SAMD12: variants seen among roughly 807,000 people sequenced by gnomAD.
SAMD12 encodes sterile alpha motif domain containing 12, also known as sterile alpha motif domain-containing protein 12.
Under a neutral mutation model 15.0 loss-of-function variants are expected in SAMD12, and 9 were observed. The ratio of observed to expected loss-of-function variants is 0.60; its 90% CI spans 0.36 to 1.05. SAMD12 has a LOEUF of 1.05. Among genes scored for constraint, SAMD12 ranks in the 50% least tolerant of loss-of-function variants. SAMD12 has a pLI of 0.01. For synonymous variants in SAMD12, 86 were observed against 90.1 expected, an observed-to-expected ratio of 0.96 and a Z score of 0.25; for missense variants, 230 against 234.2, an observed-to-expected ratio of 0.98 and a Z score of 0.12.
intron 4 of SAMD12, among the ~76,000 whole-genome samples, chr8:118,224,338 G>A (rs569705554): frequency 1.3e-5 from 2 of 152,116 alleles, no homozygotes; most frequent in Non-Finnish European, 2.9e-5. Flanking sequence ...AAACCACTTG[G>A]CATGCAAATG....
the SAMD12 span, among the ~76,000 whole-genome samples, chr8:118,165,316 G>A: frequency 2.6e-5 from 4 of 152,056 alleles, no homozygotes; most frequent in Non-Finnish European, 5.9e-5. Flanking sequence ...CTCGGGAACA[G>A]CCAGACAGAA....
downstream of SAMD12, among the ~76,000 whole-genome samples, chr8:118,375,002 A>G (rs1819308740): frequency 6.6e-6 from 1 of 152,082 alleles, no homozygotes; most frequent in African/African-American, 2.4e-5. Flanking sequence ...GAACACTGCT[A>G]TGCCTAATTC....
the SAMD12 span, among the ~76,000 whole-genome samples, chr8:118,179,255 T>C: frequency 1.3e-5 from 2 of 152,108 alleles, no homozygotes; most frequent in African/African-American, 4.8e-5. Flanking sequence ...CTGACCAACA[T>C]GGAGAAATCC....
chr8:118,290,613 C>T (rs528178356), intron 4 of SAMD12, among the ~76,000 whole-genome samples: 3 of 152,314 alleles, frequency 2.0e-5, no homozygotes, highest in Admixed American at 6.5e-5. Context: ...AAAGAGTTAA[C>T]ACTAGTTATT....
At chr8:118,191,150 C>T (rs1482872277) in exon 5 of SAMD12, 1 of 152,096 alleles carries the variant, frequency 6.6e-6, no homozygotes, top group African/African-American at 2.4e-5. Flanking sequence ...CAGACTGGTT[C>T]CTTCTGTCCC....
intron 1 of SAMD12, among the ~76,000 whole-genome samples, chr8:118,603,554 T>A (rs1230254324): frequency 6.6e-6 from 1 of 152,220 alleles, no homozygotes; most frequent in African/African-American, 2.4e-5. Flanking sequence ...AAGGGTAGAA[T>A]AAAGTCTTTT....
At chr8:118,312,086 T>C (rs573817103) in intron 4 of SAMD12, among the ~76,000 whole-genome samples, 2 of 152,294 alleles carry the variant, frequency 1.3e-5, no homozygotes, top group East Asian at 1.9e-4. Flanking sequence ...CTATTTCCTC[T>C]TCATTCCTGG....
intron 2 of SAMD12, among the ~76,000 whole-genome samples, chr8:118,532,109 C>T (rs940735247): frequency 2.0e-5 from 3 of 152,108 alleles, no homozygotes; most frequent in Non-Finnish European, 2.9e-5. Context: ...CCCATCAACA[C>T]CTAATTTATT....
chr8:118,168,776 G>C, the SAMD12 span, among the ~76,000 whole-genome samples: 1 of 152,134 alleles, frequency 6.6e-6, no homozygotes, highest in Non-Finnish European at 1.5e-5. Context: ...TTTTCTTTCT[G>C]ACTGTAATGT....
chr8:118,198,704 A>C (rs983322751), intron 4 of SAMD12, among the ~76,000 whole-genome samples: 4 of 152,226 alleles, frequency 2.6e-5, no homozygotes, highest in Admixed American at 1.3e-4. Context: ...AAAAAATAAA[A>C]GGTACTATGT....
intron 4 of SAMD12, among the ~76,000 whole-genome samples, chr8:118,324,287 C>A (rs1356176108): frequency 6.6e-6 from 1 of 152,060 alleles, no homozygotes; most frequent in Non-Finnish European, 1.5e-5. Context: ...AAAAAGCATA[C>A]CAGGGAGGGA....
chr8:118,169,157 A>G, the SAMD12 span, among the ~76,000 whole-genome samples: 23 of 152,200 alleles, frequency 1.5e-4, no homozygotes, highest in African/African-American at 5.5e-4. Context: ...ATCATGCAAT[A>G]TACTCATGTA....
intron 2 of SAMD12, among the ~76,000 whole-genome samples, chr8:118,514,936 G>C (rs1473066754): frequency 6.6e-6 from 1 of 152,298 alleles, no homozygotes; most frequent in South Asian, 2.1e-4. Flanking sequence ...ATTGGATCAT[G>C]CGAACAAACT....
At chr8:118,267,934 T>TA (rs1291965293) in intron 4 of SAMD12, among the ~76,000 whole-genome samples, 3 of 151,582 alleles carry the variant, frequency 2.0e-5, no homozygotes, top group South Asian at 2.1e-4. Context: ...CTACTAAAAA[T>TA]AAAAAAAATT....
At chr8:118,543,631 C>CTTTTT (rs397978436) in intron 2 of SAMD12, among the ~76,000 whole-genome samples, 6 of 116,612 alleles carry the variant, frequency 5.1e-5, no homozygotes, top group Admixed American at 8.5e-5. Flanking sequence ...TTCTTTCTTT[C>CTTTTT]TTTTTTTTTT....
chr8:118,373,390 G>A (rs1479203827), downstream of SAMD12, among the ~76,000 whole-genome samples: 2 of 152,080 alleles, frequency 1.3e-5, no homozygotes, highest in Admixed American at 1.3e-4. Flanking sequence ...TGGACCAGAT[G>A]GCCTACTTCA....
At chr8:118,267,439 A>T (rs773393906) in intron 4 of SAMD12, among the ~76,000 whole-genome samples, 45 of 152,150 alleles carry the variant, frequency 3.0e-4, no homozygotes, top group Non-Finnish European at 5.3e-4. Context: ...GGCCAAAGAC[A>T]TATGGTTCCT....
At chr8:118,307,979 C>T (rs1392244081) in intron 4 of SAMD12, among the ~76,000 whole-genome samples, 2 of 152,200 alleles carry the variant, frequency 1.3e-5, no homozygotes, top group Non-Finnish European at 2.9e-5. Context: ...TTATGACAGC[C>T]CTCTTTCCAC....
chr8:118,164,748 A>G, the SAMD12 span, among the ~76,000 whole-genome samples: 1 of 151,836 alleles, frequency 6.6e-6, no homozygotes, highest in Admixed American at 6.6e-5. Flanking sequence ...TATAATAGAG[A>G]AATAAATAAT....
Sources: gnomAD v4.1 joint callset for allele counts (sites outside exome capture counted in the v4.1 genomes callset) on GRCh38, gnomAD v4.1.1 for gene constraint, MANE v1.5 for transcripts, NCBI Gene and HGNC (gene_info 2026-07-23, HGNC 2026-07-21) for gene names.